Variants in ZC3H12B observed in about 807,000 individuals in gnomAD.
ZC3H12B encodes probable ribonuclease ZC3H12B.
A neutral mutation model predicts 43.9 loss-of-function variants in ZC3H12B; 7 were observed. The ratio of observed to expected loss-of-function variants is 0.16; its 90% confidence interval spans 0.09 to 0.30. The LOEUF (loss-of-function observed/expected upper bound fraction) is 0.30. Ranked by LOEUF, ZC3H12B falls within the 10% of genes least tolerant of loss-of-function variation. The probability of loss-of-function intolerance (pLI) is 1.00; values close to 1 mark genes in which losing one functional copy is unlikely to be tolerated. For missense variants in ZC3H12B, 475 were observed against 670.2 expected (o/e 0.71, Z 3.22); for synonymous variants, 222 against 241.7 (o/e 0.92, Z 0.76).
the ZC3H12B span, among the ~76,000 whole-genome samples, chrX:65,351,781 G>A: frequency 6.2e-5 from 7 of 112,323 alleles, no homozygotes; most frequent in Admixed American, 6.6e-4. Context: ...CATCTCACAT[G>A]AGTTGGAATG....
At chrX:65,372,295 A>G (rs1602332433) in intron 2 of ZC3H12B, among the ~76,000 whole-genome samples, 1 of 111,879 alleles carries the variant, frequency 8.9e-6, no homozygotes, top group Admixed American at 9.6e-5. Flanking sequence ...TAGTGCTCCA[A>G]AAACATGCAT....
the ZC3H12B span, among the ~76,000 whole-genome samples, chrX:65,164,745 T>C: frequency 9.0e-6 from 1 of 110,852 alleles, no homozygotes; most frequent in Non-Finnish European, 1.9e-5. Context: ...TCATAAAGAG[T>C]TTTCAGATTG....
chrX:65,225,554 G>A, the ZC3H12B span, among the ~76,000 whole-genome samples: 1 of 112,308 alleles, frequency 8.9e-6, no homozygotes, highest in African/African-American at 3.2e-5. Flanking sequence ...AGAGAAGAAG[G>A]CTTCAGACGA....
the ZC3H12B span, among the ~76,000 whole-genome samples, chrX:65,190,740 G>A: frequency 1.1e-4 from 12 of 108,221 alleles, no homozygotes; most frequent in Admixed American, 8.0e-4. Context: ...CATGTCATCT[G>A]CAAACAGGGA....
the ZC3H12B span, among the ~76,000 whole-genome samples, chrX:65,100,642 A>G: frequency 4.6e-5 from 5 of 107,953 alleles, no homozygotes; most frequent in South Asian, 1.2e-3. Flanking sequence ...AACCACAAAG[A>G]TGAAAAAGAC....
At chrX:65,166,550 G>T in the ZC3H12B span, among the ~76,000 whole-genome samples, 1 of 111,829 alleles carries the variant, frequency 8.9e-6, no homozygotes, top group South Asian at 3.7e-4. Flanking sequence ...AATCCTTTCA[G>T]TATATAAGCA....
the ZC3H12B span, among the ~76,000 whole-genome samples, chrX:65,297,912 A>G: frequency 8.9e-6 from 1 of 111,972 alleles, no homozygotes; most frequent in Non-Finnish European, 1.9e-5. Context: ...CACCCTATTC[A>G]GCAAAGGGTG....
At chrX:65,165,507 A>G in the ZC3H12B span, among the ~76,000 whole-genome samples, 3 of 111,598 alleles carry the variant, frequency 2.7e-5, no homozygotes, top group Non-Finnish European at 5.7e-5. Flanking sequence ...TCAGCTCCCA[A>G]TTTTGAGTGA....
the ZC3H12B span, among the ~76,000 whole-genome samples, chrX:65,259,820 C>A: frequency 9.0e-6 from 1 of 111,290 alleles, no homozygotes; most frequent in East Asian, 2.8e-4. Context: ...TGGAACCAGC[C>A]CAAATGCCCA....
the ZC3H12B span, among the ~76,000 whole-genome samples, chrX:65,259,789 C>A: frequency 9.0e-6 from 1 of 111,411 alleles, no homozygotes; most frequent in African/African-American, 3.3e-5. Context: ...TATAGCAGCA[C>A]AATTTTCAAT....
the ZC3H12B span, among the ~76,000 whole-genome samples, chrX:65,117,749 G>A: frequency 3.6e-5 from 4 of 111,799 alleles, no homozygotes; most frequent in South Asian, 1.1e-3. Context: ...TAACGTATAA[G>A]GAAGGGATCC....
At chrX:65,209,779 C>A in the ZC3H12B span, among the ~76,000 whole-genome samples, 2 of 104,386 alleles carry the variant, frequency 1.9e-5, no homozygotes, top group Non-Finnish European at 3.9e-5. Flanking sequence ...CTACAACTAT[C>A]TGATCTTTGA....
At chrX:65,206,691 C>T in the ZC3H12B span, among the ~76,000 whole-genome samples, 9 of 111,417 alleles carry the variant, frequency 8.1e-5, no homozygotes, top group Admixed American at 1.9e-4. Flanking sequence ...AGCTTCTGCA[C>T]AGCAACAGAA....
the ZC3H12B span, among the ~76,000 whole-genome samples, chrX:65,123,188 G>A: frequency 1.1e-5 from 1 of 89,208 alleles, no homozygotes; most frequent in African/African-American, 1.1e-4. Flanking sequence ...ACAAAATCAT[G>A]TGGTTTTTGT....
the ZC3H12B span, among the ~76,000 whole-genome samples, chrX:65,191,593 GT>G: frequency 1.5e-4 from 16 of 104,020 alleles, no homozygotes; most frequent in East Asian, 4.3e-3. Context: ...GCATAGAGGT[GT>G]TTGTAGTATT....
At chrX:65,270,165 T>C in the ZC3H12B span, among the ~76,000 whole-genome samples, 1 of 111,753 alleles carries the variant, frequency 8.9e-6, no homozygotes, top group Non-Finnish European at 1.9e-5. Flanking sequence ...AATAGTATGG[T>C]ACTGGCATAA....
At chrX:65,164,759 G>A in the ZC3H12B span, among the ~76,000 whole-genome samples, 1 of 111,586 alleles carries the variant, frequency 9.0e-6, no homozygotes, top group African/African-American at 3.3e-5. Context: ...CAGATTGTTG[G>A]TCTGGCTTAT....
the ZC3H12B span, among the ~76,000 whole-genome samples, chrX:65,100,081 G>C: frequency 3.6e-5 from 4 of 111,558 alleles, no homozygotes; most frequent in East Asian, 1.1e-3. Flanking sequence ...CGAGAACTTC[G>C]TGAAGGATAC....
At chrX:65,394,577 C>T (rs2066670943) in intron 2 of ZC3H12B, among the ~76,000 whole-genome samples, 1 of 111,778 alleles carries the variant, frequency 8.9e-6, no homozygotes, top group African/African-American at 3.3e-5. Flanking sequence ...GATTTGGTAC[C>T]AGTATCATGC....
Sources: gnomAD v4.1 joint callset for allele counts (sites outside exome capture counted in the v4.1 genomes callset) on GRCh38, gnomAD v4.1.1 for gene constraint, MANE v1.5 for transcripts, NCBI Gene and HGNC (gene_info 2026-07-23, HGNC 2026-07-21) for gene names.